Variants in RHOC observed in about 807,000 individuals in gnomAD.
RHOC encodes ras homolog family member C, also known as rho-related GTP-binding protein RhoC.
A neutral mutation model predicts 19.5 loss-of-function variants in RHOC; 13 were observed. That is an observed-to-expected ratio of 0.67 (90% CI 0.43 to 1.06). The LOEUF (loss-of-function observed/expected upper bound fraction) is 1.06. Ranked by LOEUF, RHOC falls within the 50% of genes least tolerant of loss-of-function variation. The pLI is 0.00. For missense variants in RHOC, 173 were observed against 256.9 expected, an observed-to-expected ratio of 0.67 and a Z score of 2.23; for synonymous variants, 106 against 97.3, an observed-to-expected ratio of 1.09 and a Z score of -0.52.
intron 5 of RHOC, among the ~76,000 whole-genome samples, chr1:112,702,119 C>T (rs952331094): frequency 1.3e-5 from 2 of 152,192 alleles, no homozygotes; most frequent in Non-Finnish European, 2.9e-5. Flanking sequence ...AAACTCTAGT[C>T]CTCTGGCTAG....
At chr1:112,705,778 C>T (rs1231290113) in intron 1 of RHOC, 2 of 417,826 alleles carry the variant, frequency 4.8e-6, no homozygotes, top group Non-Finnish European at 9.7e-6. Context: ...CTGGGGTGGG[C>T]AGTGTTGATG....
At position 112,705,128 on chromosome 1, in the gene RHOC, AG is replaced by A. The variant is rs1270784591; in HGVS notation, c.-37del. The stretch of plus-strand genomic sequence containing the variant: ...CAGCCGGCTGAAGTTCCCAGGCTGC[AG>A]GAAGAGAGGGCGGGCTCTGGAGCTG... On this transcript the variant is annotated 5_prime_UTR_variant, in exon 2 of 6. Coordinates refer to ENST00000339083, the MANE Select transcript of RHOC (RefSeq NM_175744.5). 2 of 702,348 alleles carry A rather than the reference AG, an allele frequency of 2.8e-6. No homozygotes were observed. The highest frequency in any genetic ancestry group is 2.0e-5 in the Admixed American group (1 of 49,984). The allele number at this position is 702,348 out of a possible 1,614,324, so 43.5% of individuals were successfully genotyped here.
At chr1:112,702,452 C>T (rs1674685389) in intron 5 of RHOC, 111 bp downstream of exon 5, 1 of 1,187,320 alleles carries the variant, frequency 8.4e-7, no homozygotes, top group Non-Finnish European at 1.2e-6. Context: ...GGAGATATTA[C>T]TGTTTCCCCT....
rs11538960 is a variant in RHOC at position 112,701,565 on chromosome 1, C to T, written c.557G>A (p.Arg186His). 5.1e-4 allele frequency: 822 copies of T among 1,614,092 alleles called. No homozygotes were observed. The highest frequency in any genetic ancestry group is 6.1e-4 in the Non-Finnish European group (723 of 1,179,980). The change falls in exon 6 of 6, where the codon CGT (arginine) becomes CAT (histidine). Residue 186 changes from arginine (R) to histidine (H), a missense_variant. By Grantham distance (29) the Arg-to-His change is conservative (BLOSUM62 0). Around this residue, in one of 2 missense-constraint regions of RHOC, gnomAD observed 81 missense variants for 85.8 expected, o/e 0.94. Coordinates refer to ENST00000339083, the MANE Select transcript of RHOC (RefSeq NM_175744.5). ...TCAGAGAATGGGACAGCCCCTCCGA[C>T]GCTTGTTCTTGCGGACCTGGAGGCC... ...RAGLQVRKNK[R>H]RRGCPIL
At chr1:112,703,443 G>C (rs1226489653) in intron 3 of RHOC, 4 of 726,214 alleles carry the variant, frequency 5.5e-6, no homozygotes, top group African/African-American at 3.5e-5. Flanking sequence ...ACTCGGCCCA[G>C]GTTACAGAGC....
chr1:112,703,992 G>A (rs1165710406), intron 2 of RHOC, among the ~76,000 whole-genome samples, 186 bp from the exon 3 acceptor site: 1 of 152,216 alleles, frequency 6.6e-6, no homozygotes, highest in Non-Finnish European at 1.5e-5. Flanking sequence ...CTCTGGGTCA[G>A]GGACAGGTCT....
At chr1:112,704,978 G>A (rs1674788362) in intron 2 of RHOC, 122 bp downstream of exon 2, 1 of 656,162 alleles carries the variant, frequency 1.5e-6, no homozygotes, top group East Asian at 2.7e-5. Flanking sequence ...CTCAGGGCAA[G>A]GAGTCAGCTT....
At position 112,706,503 on chromosome 1, in the gene RHOC, CACACACACA is replaced by C. The variant is rs1557780894; in HGVS notation, c.-77+566_-77+574del. ...ACACACACACACACACACACACACA[CACACACACA>C]CACACACACACACACACACACACAC... On this transcript the variant is annotated intron_variant, in intron 1 of 5. Coordinates refer to ENST00000339083, the MANE Select transcript of RHOC (RefSeq NM_175744.5). Among the ~76,000 whole-genome samples the C allele has an allele frequency of 4.1e-4, 25 of 61,602 alleles. 1 individual carries two copies. Among genetic ancestry groups the C allele is most frequent in the African/African-American group, 1.4e-3 (22 of 15,986 alleles). The allele number at this position is 61,602 out of a possible 152,430, so 40.4% of individuals were successfully genotyped here. A position where few individuals can be genotyped will look rare whatever the true frequency, so the allele number is the denominator to read the frequency against.
In RHOC at chr1:112,702,553, C is replaced by T; in HGVS notation, c.408+10G>A. 6.2e-7 allele frequency: 1 copy of T among 1,613,282 alleles called. No individual in the cohort carries two copies. The highest frequency in any genetic ancestry group is 2.2e-5 in the East Asian group (1 of 44,854). ...TTCCCCAGGGGCTCCAGCCTGGCAG[C>T]CGTACCCACCTGCTTCATCTTGGCC... On this transcript the variant is annotated intron_variant, in intron 5 of 5. Transcript: ENST00000339083.
At chr1:112,702,159 A>G (rs1023935660) in intron 5 of RHOC, among the ~76,000 whole-genome samples, 2 of 152,160 alleles carry the variant, frequency 1.3e-5, no homozygotes, top group Admixed American at 1.3e-4. Flanking sequence ...TGAATAAGCC[A>G]GCTCTCACAT....
chr1:112,703,601 G>A (rs748849302), intron 3 of RHOC, 43 bp downstream of exon 3: 5 of 1,532,204 alleles, frequency 3.3e-6, no homozygotes, highest in South Asian at 2.3e-5. Flanking sequence ...TGACTGGGGG[G>A]CGGGGTCTCA....
In RHOC at chr1:112,701,463, A is replaced by C. The variant is rs1195856901; in HGVS notation, c.*77T>G. 3.1e-6 allele frequency: 5 copies of C among 1,613,556 alleles called. No homozygotes were observed. In the African/African-American group the frequency reaches 6.7e-5, roughly 22 times the overall value. On this transcript the variant is annotated 3_prime_UTR_variant, in exon 6 of 6. Transcript: ENST00000339083. ...TGGGAGCCTTCAGCATGGAGCCCTC[A>C]GGAGGCTGGGGTTGTAGGGGGATAA...
In RHOC at chr1:112,701,724, A is replaced by G. The variant is rs201226670; in HGVS notation, c.409-11T>C. 16 of 1,613,584 alleles carry G rather than the reference A, an allele frequency of 9.9e-6. No individual in the cohort carries two copies. Among genetic ancestry groups the G allele is most frequent in the Middle Eastern group, 1.7e-4 (1 of 6,060 alleles). On this transcript the variant is annotated splice_polypyrimidine_tract_variant and intron_variant, in intron 5 of 5. Coordinates refer to ENST00000339083, the MANE Select transcript of RHOC (RefSeq NM_175744.5). ...AGACCGAACGGGCTCCTGAGAAGACATAAGATGAGGGGTCAAAGGAAGCTG... is the reference window on the plus strand; with the variant it reads ...AGACCGAACGGGCTCCTGAGAAGACGTAAGATGAGGGGTCAAAGGAAGCTG...
intron 4 of RHOC, 100 bp downstream of exon 4, chr1:112,702,899 T>TG: frequency 1.4e-6 from 2 of 1,452,212 alleles, no homozygotes; most frequent in Non-Finnish European, 1.9e-6. Context: ...CTCCCCTGCA[T>TG]CCCCACCCCC....
Position 112,705,088 on chromosome 1 carries a change from A to T in RHOC, c.-8+12T>A. 1 of 702,324 alleles carries T rather than the reference A, an allele frequency of 1.4e-6. No homozygotes were observed. Among genetic ancestry groups the T allele is most frequent in the Non-Finnish European group, 2.6e-6 (1 of 384,780 alleles). The allele number at this position is 702,324 out of a possible 1,614,324, so 43.5% of individuals were successfully genotyped here. On this transcript the variant is annotated intron_variant, in intron 2 of 5. Transcript: ENST00000339083. Reference sequence around the variant, plus strand: ...TCCCTCACTTCCTCCTTCCCTGGGGAGGGGAACTGACCTCCAGCCGGCTGA... The same window carrying T: ...TCCCTCACTTCCTCCTTCCCTGGGGTGGGGAACTGACCTCCAGCCGGCTGA...
At chr1:112,705,855 G>A in intron 1 of RHOC, 3 of 358,454 alleles carry the variant, frequency 8.4e-6, no homozygotes, top group Non-Finnish European at 1.7e-5. Flanking sequence ...TGTCCCCCCA[G>A]CAGGGTAATT....
rs527263346 is a variant in RHOC, at chr1:112,702,977, C to G, written c.277+22G>C. 2.5e-6 allele frequency: 4 copies of G among 1,612,250 alleles called. No homozygotes were observed. The South Asian group carries it at 3.3e-5, about 13-fold the overall frequency. On this transcript the variant is annotated intron_variant, in intron 4 of 5. Transcript: ENST00000339083. Reference sequence around the variant, plus strand: ...TGGCTGATTCCAAGGGGTTCTCAGTCCCCTCCCTCCAATCCCCTCACCCAG... The same window carrying G: ...TGGCTGATTCCAAGGGGTTCTCAGTGCCCTCCCTCCAATCCCCTCACCCAG...
At chr1:112,704,367 G>C (rs950108229) in intron 2 of RHOC, 9 of 153,408 alleles carry the variant, frequency 5.9e-5, no homozygotes, top group Admixed American at 5.2e-4. Context: ...AGGAAGAATA[G>C]TTATAGAGCC....
chr1:112,707,187 G>C (rs1482075028), upstream of RHOC: 1 of 150,470 alleles, frequency 6.6e-6, no homozygotes, highest in African/African-American at 2.4e-5. Context: ...GGGCCCGGCA[G>C]GGGGAGGGTC....
Sources: allele counts gnomAD v4.1 joint callset (sites outside exome capture counted in the v4.1 genomes callset), GRCh38; gene constraint gnomAD v4.1.1; regional missense constraint gnomAD v4.1.1; transcripts MANE v1.5; gene names NCBI Gene and HGNC (gene_info 2026-07-23, HGNC 2026-07-21).